BARD1: variants seen among roughly 807,000 people sequenced by gnomAD.
BARD1 encodes the protein BRCA1-associated RING domain protein 1.
BARD1 carries 73 observed loss-of-function variants against 77.0 expected under a neutral mutation model. The observed-to-expected ratio is 0.95, with a 90% CI of 0.79 to 1.15. The LOEUF is 1.15. BARD1 is among the 50% of genes most tolerant of loss of function. The pLI is 0.00. For synonymous variants in BARD1, 384 were observed against 338.0 expected (o/e 1.14, Z -1.49); for missense variants, 993 against 938.8 (o/e 1.06, Z -0.75).
chr2:214,792,412 A>G lies in BARD1; in HGVS notation c.249T>C (p.Cys83=), dbSNP rs1574839902. 6.2e-7 allele frequency: 1 copy of G among 1,612,312 alleles called. No homozygotes were observed. Among genetic ancestry groups the G allele is most frequent in the African/African-American group, 1.3e-5 (1 of 74,804 alleles). ...TCCAGGCCGGGGTGTAACACACTGG[A>G]CATCCAGTTCCAATGCAGTCACTTA... ...NCVSDCIGTG[C]PVCYTPAWIQ... is the part of the protein sequence containing the mutation. The change falls in exon 3 of 11, where the codon TGT becomes TGC. Residue 83 remains cysteine (C), a synonymous_variant. Transcript: ENST00000260947.
chr2:214,739,453 T>C (rs1428188281), intron 9 of BARD1, among the ~76,000 whole-genome samples: 1 of 152,132 alleles, frequency 6.6e-6, no homozygotes. Context: ...GCAAAACAAG[T>C]GTTTTGCAAA....
intron 5 of BARD1, among the ~76,000 whole-genome samples, chr2:214,768,657 T>C (rs1694328057): frequency 6.6e-6 from 1 of 152,250 alleles, no homozygotes; most frequent in South Asian, 2.1e-4. Context: ...TGTCCTAATG[T>C]AATTGGCCTA....
chr2:214,729,921 TGA>T (rs918220695), intron 10 of BARD1, among the ~76,000 whole-genome samples: 1 of 152,206 alleles, frequency 6.6e-6, no homozygotes, highest in African/African-American at 2.4e-5. Flanking sequence ...ATTTTTGTGC[TGA>T]GGCTAGGGAT....
chr2:214,803,058 C>G (rs547015621), intron 1 of BARD1, among the ~76,000 whole-genome samples: 70 of 137,950 alleles, frequency 5.1e-4, no homozygotes, highest in Non-Finnish European at 9.4e-4. Flanking sequence ...TGTGCTGTGT[C>G]AAACTCAGGG....
At chr2:214,733,051 A>C (rs1462562928) in intron 9 of BARD1, among the ~76,000 whole-genome samples, 2 of 152,228 alleles carry the variant, frequency 1.3e-5, no homozygotes, top group Admixed American at 6.5e-5. Flanking sequence ...AAAGACCCTG[A>C]AGAGCTAGTC....
intron 1 of BARD1, 74 bp downstream of exon 1, chr2:214,809,338 G>T: frequency 6.3e-7 from 1 of 1,586,920 alleles, no homozygotes. Flanking sequence ...CGGAAGATTT[G>T]AAAAGATTCT....
At chr2:214,777,852 T>G (rs1694802180) in intron 4 of BARD1, among the ~76,000 whole-genome samples, 2 of 152,218 alleles carry the variant, frequency 1.3e-5, no homozygotes, top group South Asian at 4.1e-4. Context: ...ATAGATTTAT[T>G]CATTCTTGGC....
At chr2:214,745,934 T>C (rs2065657610) in intron 7 of BARD1, 80 bp from the exon 8 acceptor site, 7 of 1,490,742 alleles carry the variant, frequency 4.7e-6, no homozygotes, top group Non-Finnish European at 5.6e-6. Context: ...TTACTTGATA[T>C]AAGCTTGAAT....
chr2:214,777,375 A>G (rs1182358895), intron 4 of BARD1, among the ~76,000 whole-genome samples: 1 of 152,150 alleles, frequency 6.6e-6, no homozygotes. Context: ...TCAATCAGTA[A>G]AGCCCTACCT....
intron 6 of BARD1, among the ~76,000 whole-genome samples, chr2:214,765,623 T>C (rs934067380): frequency 1.3e-5 from 2 of 152,204 alleles, no homozygotes; most frequent in Non-Finnish European, 2.9e-5. Context: ...CTAGTCAGTT[T>C]CACCTGACCC....
At chr2:214,736,332 G>A (rs1692564394) in intron 9 of BARD1, among the ~76,000 whole-genome samples, 1 of 152,112 alleles carries the variant, frequency 6.6e-6, no homozygotes, top group South Asian at 2.1e-4. Context: ...CAGTGAAATG[G>A]TTAACTCAAA....
At chr2:214,801,815 T>C (rs1299826286) in intron 1 of BARD1, among the ~76,000 whole-genome samples, 1 of 144,500 alleles carries the variant, frequency 6.9e-6, no homozygotes, top group Non-Finnish European at 1.5e-5. Flanking sequence ...CTAGTTGGGG[T>C]TCTGGGATTC....
At chr2:214,803,307 G>A (rs1409405618) in intron 1 of BARD1, among the ~76,000 whole-genome samples, 1 of 152,140 alleles carries the variant, frequency 6.6e-6, no homozygotes, top group African/African-American at 2.4e-5. Flanking sequence ...CACCCGTAAA[G>A]GGTCTGTGCT....
At chr2:214,774,378 G>T (rs781350923) in intron 4 of BARD1, among the ~76,000 whole-genome samples, 2 of 152,196 alleles carry the variant, frequency 1.3e-5, no homozygotes, top group Admixed American at 6.5e-5. Context: ...AACAAGACTT[G>T]AAAGTAAAGT....
At chr2:214,755,133 A>C (rs780732391) in intron 6 of BARD1, among the ~76,000 whole-genome samples, 22 of 152,206 alleles carry the variant, frequency 1.4e-4, no homozygotes, top group Non-Finnish European at 2.4e-4. Flanking sequence ...TTGTAAAACT[A>C]ATAGGTACTA....
chr2:214,781,713 A>G (rs1308597591), intron 3 of BARD1, among the ~76,000 whole-genome samples: 1 of 152,140 alleles, frequency 6.6e-6, no homozygotes, highest in Non-Finnish European at 1.5e-5. Context: ...GCCATATCCT[A>G]GAGACTGAAG....
intron 5 of BARD1, among the ~76,000 whole-genome samples, chr2:214,768,075 C>T (rs1009173979): frequency 1.3e-5 from 2 of 152,144 alleles, no homozygotes; most frequent in African/African-American, 4.8e-5. Flanking sequence ...TGAAGGAATG[C>T]TTTTAAGATA....
chr2:214,789,375 T>TAA (rs772623207), intron 3 of BARD1, among the ~76,000 whole-genome samples: 2 of 141,582 alleles, frequency 1.4e-5, no homozygotes, highest in Non-Finnish European at 3.1e-5. Flanking sequence ...CTATCTCTTC[T>TAA]AAAAAAAAAA....
At chr2:214,804,539 G>A (rs1696179734) in intron 1 of BARD1, among the ~76,000 whole-genome samples, 1 of 152,164 alleles carries the variant, frequency 6.6e-6, no homozygotes, top group African/African-American at 2.4e-5. Context: ...TGCCTTTTCT[G>A]TATGTATGTT....
Sources: gnomAD v4.1 joint callset for allele counts (sites outside exome capture counted in the v4.1 genomes callset) on GRCh38, gnomAD v4.1.1 for gene constraint, MANE v1.5 for transcripts, NCBI Gene and HGNC (gene_info 2026-07-23, HGNC 2026-07-21) for gene names.